Variants in DYSF observed in about 807,000 individuals in gnomAD.
DYSF encodes the protein dysferlin.
A neutral mutation model predicts 274.9 loss-of-function variants in DYSF; 212 were observed. The observed-to-expected ratio is 0.77, with a 90% CI of 0.69 to 0.86. The LOEUF is 0.86. Ranked by LOEUF, DYSF falls within the 40% of genes least tolerant of loss-of-function variation. The pLI, the probability that DYSF is intolerant of heterozygous loss-of-function variation, is 0.00. For synonymous variants in DYSF, 1,091 were observed against 1,078.7 expected (o/e 1.01, Z -0.22); for missense variants, 2,666 against 2,783.2 (o/e 0.96, Z 0.95).
intron 31 of DYSF, 47 bp downstream of exon 31, chr2:71,589,733 C>T: frequency 3.3e-6 from 5 of 1,519,252 alleles, no homozygotes; most frequent in Non-Finnish European, 4.6e-6. Context: ...GGTGTGTCAC[C>T]TTATGCTTCT....
chr2:71,521,488 C>A (rs1196616477), intron 12 of DYSF, among the ~76,000 whole-genome samples: 1 of 152,190 alleles, frequency 6.6e-6, no homozygotes, highest in South Asian at 2.1e-4. Context: ...AGCCACTTGC[C>A]TCATGGTGCT....
intron 3 of DYSF, among the ~76,000 whole-genome samples, chr2:71,498,729 C>T (rs1017965154): frequency 6.6e-6 from 1 of 152,164 alleles, no homozygotes; most frequent in Non-Finnish European, 1.5e-5. Context: ...CTAAAATTTT[C>T]TATGGTTAGC....
intron 17 of DYSF, among the ~76,000 whole-genome samples, 180 bp from the exon 18 acceptor site, chr2:71,550,861 A>T (rs1414432413): frequency 6.6e-6 from 1 of 152,218 alleles, no homozygotes; most frequent in Non-Finnish European, 1.5e-5. Flanking sequence ...AAAGAGACTT[A>T]GGGGAGGGCG....
rs759841019 is a variant in DYSF, at chr2:71,553,169, C to A, written c.1965C>A (p.Tyr655Ter). ...TCLPLASTTQ[Y>*]SRAVFDGCHY... ...TGCCGCTGGCCTCCACCACTCAGTACAGCCGTGCAGTCTTTGACGGTGAGG... is the reference window on the plus strand; with the variant it reads ...TGCCGCTGGCCTCCACCACTCAGTAAAGCCGTGCAGTCTTTGACGGTGAGG... Residue 655 changes from tyrosine (Y) to a stop codon, truncating the protein, a stop_gained, in exon 20 of 56, where the codon TAC (tyrosine) becomes TAA (stop). Transcript: ENST00000410020. LOFTEE classifies it high-confidence loss of function. 2 of 1,614,132 alleles carry A rather than the reference C, an allele frequency of 1.2e-6. No homozygotes were observed. Among genetic ancestry groups the A allele is most frequent in the Non-Finnish European group, 1.7e-6 (2 of 1,180,032 alleles).
rs1231906656 is a variant in DYSF, at chr2:71,574,360, G to T, written c.3391G>T (p.Glu1131Ter). Residue 1131 changes from glutamate (E) to a stop codon, truncating the protein, a stop_gained, in exon 30 of 56, where the codon GAG becomes TAG. Coordinates refer to ENST00000410020, the MANE Select transcript of DYSF (RefSeq NM_001130987.2). LOFTEE classifies it high-confidence loss of function. The part of the protein sequence containing the change: ...KTGPAAVFAL[E>*]GALGGVMDDK... ...GGGGCCTGCAGCTGTGTTTGCCCTT[G>T]AGGGGGCCCTGGTATGTGGGGCTGC... 6.2e-7 allele frequency: 1 copy of T among 1,613,660 alleles called. No homozygotes were observed. Among genetic ancestry groups the T allele is most frequent in the Non-Finnish European group, 8.5e-7 (1 of 1,179,736 alleles).
intron 30 of DYSF, among the ~76,000 whole-genome samples, chr2:71,575,079 C>G (rs1399047330): frequency 6.6e-6 from 1 of 152,100 alleles, no homozygotes; most frequent in Non-Finnish European, 1.5e-5. Context: ...GGCTGGGGCC[C>G]TAGGGAGCAA....
Position 71,543,276 on chromosome 2 carries a change from G to A in DYSF, c.1576+4037G>A, listed in dbSNP as rs371204676. 1.4e-4 allele frequency among the ~76,000 whole-genome samples: 20 copies of A among 147,014 alleles called. No individual in the cohort carries two copies. The South Asian group carries it at 4.1e-3, about 30-fold the overall frequency. ...ACATCCCAGACGGGGCGGCAGGGCA[G>A]AGGCACTCCCCACATCTCAGATGAT... On this transcript the variant is annotated intron_variant, in intron 17 of 55. Coordinates refer to ENST00000410020, the MANE Select transcript of DYSF (RefSeq NM_001130987.2).
chr2:71,484,254 T>C (rs1215600307), intron 3 of DYSF, among the ~76,000 whole-genome samples: 1 of 151,962 alleles, frequency 6.6e-6, no homozygotes, highest in Non-Finnish European at 1.5e-5. Flanking sequence ...GGTTCCTCCA[T>C]GTTGGCCAGA....
At chr2:71,499,407 G>A (rs1212565058) in intron 3 of DYSF, among the ~76,000 whole-genome samples, 1 of 152,158 alleles carries the variant, frequency 6.6e-6, no homozygotes, top group Non-Finnish European at 1.5e-5. Context: ...TGCCTCCTGT[G>A]TTTTGTTTTG....
chr2:71,493,236 A>G (rs2084031366), intron 3 of DYSF, among the ~76,000 whole-genome samples: 1 of 152,134 alleles, frequency 6.6e-6, no homozygotes, highest in African/African-American at 2.4e-5. Flanking sequence ...AGTCATGTTA[A>G]TGGATGAAAT....
intron 13 of DYSF, 69 bp downstream of exon 13, chr2:71,526,415 C>CGGGGGGGGGGGGGGGGG: frequency 9.7e-6 from 4 of 411,228 alleles, no homozygotes; most frequent in Non-Finnish European, 1.2e-5. Context: ...TGGGGGTGGG[C>CGGGGGGGGGGGGGGGGG]GATGGCGGGC....
At chr2:71,516,121 C>T in intron 8 of DYSF, 59 bp from the exon 9 acceptor site, 4 of 1,556,896 alleles carry the variant, frequency 2.6e-6, no homozygotes, top group South Asian at 1.1e-5. Context: ...GGTCCTCCCT[C>T]TCCCTGGCCT....
At chr2:71,670,182 C>T (rs935792857) in intron 51 of DYSF, among the ~76,000 whole-genome samples, 11 of 152,190 alleles carry the variant, frequency 7.2e-5, no homozygotes, top group African/African-American at 9.7e-5. Flanking sequence ...CCAGCCCTGC[C>T]GCCACCCCAT....
At chr2:71,494,113 C>G (rs925299326) in intron 3 of DYSF, among the ~76,000 whole-genome samples, 6 of 151,908 alleles carry the variant, frequency 3.9e-5, no homozygotes, top group Non-Finnish European at 8.8e-5. Flanking sequence ...TGTTATCAGG[C>G]ATACAAGCAT....
rs190839104 is a variant in DYSF at position 71,515,407 on chromosome 2, C to A, written c.760-216C>A. Among the ~76,000 whole-genome samples the A allele has an allele frequency of 1.2e-4, 18 of 152,288 alleles. No homozygotes were observed. In the East Asian group the frequency reaches 2.9e-3, roughly 24 times the overall value. ...GGGTAGCCGACGAGGGGCAGCCTGG[C>A]AGCTCTTCTATGGAGCTGTGGAATT... On this transcript the variant is annotated intron_variant, in intron 7 of 55. Transcript: ENST00000410020.
At chr2:71,652,428 C>G (rs1372765418) in intron 42 of DYSF, among the ~76,000 whole-genome samples, 1 of 152,126 alleles carries the variant, frequency 6.6e-6, no homozygotes, top group Non-Finnish European at 1.5e-5. Context: ...AAGATGGCAG[C>G]AACTATTTAG....
chr2:71,488,743 A>G (rs1465176476), intron 3 of DYSF, among the ~76,000 whole-genome samples: 2 of 152,104 alleles, frequency 1.3e-5, no homozygotes, highest in Non-Finnish European at 2.9e-5. Flanking sequence ...AGGTGTTCAC[A>G]GTGGCATTTT....
At chr2:71,551,825 G>A in intron 19 of DYSF, 105 bp downstream of exon 19, 1 of 904,002 alleles carries the variant, frequency 1.1e-6, no homozygotes, top group Non-Finnish European at 1.7e-6. Context: ...AGGAAGCTCT[G>A]CCCACACGCA....
intron 1 of DYSF, among the ~76,000 whole-genome samples, chr2:71,459,871 C>A (rs2081214844): frequency 6.6e-6 from 1 of 151,564 alleles, no homozygotes; most frequent in Admixed American, 6.6e-5. Flanking sequence ...TCCCCTTCCC[C>A]CTTAACCTCT....
Sources: allele counts gnomAD v4.1 joint callset (sites outside exome capture counted in the v4.1 genomes callset), GRCh38; gene constraint gnomAD v4.1.1; transcripts MANE v1.5; gene names NCBI Gene and HGNC (gene_info 2026-07-23, HGNC 2026-07-21).